ABCA7: variants seen among roughly 807,000 people sequenced by gnomAD.
ABCA7 encodes the protein ATP binding cassette subfamily A member 7.
ABCA7 carries 261 observed loss-of-function variants against 227.6 expected under a neutral mutation model. The ratio of observed to expected loss-of-function variants is 1.15; its 90% CI spans 1.04 to 1.27. The LOEUF (loss-of-function observed/expected upper bound fraction) is 1.27. ABCA7 is among the 50% of genes most tolerant of loss of function. The pLI is 0.00. For missense variants in ABCA7, 3,331 were observed against 2,924.5 expected (o/e 1.14, Z -3.21); for synonymous variants, 1,488 against 1,279.7 (o/e 1.16, Z -3.47).
rs1225896106 is a variant in ABCA7 at position 1,053,315 on chromosome 19, C to T, written c.3221-14C>T. The T allele has an allele frequency of 6.2e-7, 1 of 1,605,244 alleles. No homozygotes were observed. Among genetic ancestry groups the T allele is most frequent in the Non-Finnish European group, 8.5e-7 (1 of 1,176,632 alleles). ...TGAGCCGGGGCTCCCTGAAGCACCC[C>T]TTTGTCCACACAGGCACTCCTCAGC... On this transcript the variant is annotated splice_polypyrimidine_tract_variant and intron_variant, in intron 23 of 46. Coordinates refer to ENST00000263094, the MANE Select transcript of ABCA7 (RefSeq NM_019112.4).
intron 5 of ABCA7, 50 bp from the exon 6 acceptor site, chr19:1,042,265 C>T (rs1416045017): frequency 1.9e-6 from 3 of 1,581,154 alleles, no homozygotes; most frequent in Non-Finnish European, 2.6e-6. Context: ...GGGTGGGTGC[C>T]TCAGACCAAC....
chr19:1,051,093 C>T (rs1169886473), intron 19 of ABCA7, 41 bp downstream of exon 19: 1 of 1,611,354 alleles, frequency 6.2e-7, no homozygotes, highest in Non-Finnish European at 8.5e-7. Context: ...TGGGAAGGGA[C>T]TGGACGCCCT....
At position 1,049,274 on chromosome 19, in the gene ABCA7, G is replaced by C; in HGVS notation, c.2389G>C (p.Glu797Gln). The change falls in exon 18 of 47, where the codon GAA (glutamate) becomes CAA (glutamine). Residue 797 changes from glutamate to glutamine, a missense_variant. Physicochemically the swap from Glu to Gln is conservative, Grantham distance 29. Coordinates refer to ENST00000263094, the MANE Select transcript of ABCA7 (RefSeq NM_019112.4). ...PTPLDPKVLVEEAPPGLSPGV... is the reference protein window; with the variant it reads ...PTPLDPKVLVQEAPPGLSPGV... ...CCACCCCATCTCTGCAGTGCTGGTA[G>C]AAGAGGCACCGCCCGGCCTGAGTCC... 5.6e-6 allele frequency: 9 copies of C among 1,604,874 alleles called. No individual in the cohort carries two copies. The highest frequency in any genetic ancestry group is 7.7e-6 in the Non-Finnish European group (9 of 1,174,672).
rs375990700 is a variant in ABCA7, at chr19:1,045,207, C to G, written c.1421C>G (p.Thr474Arg). The change falls in exon 12 of 47, where the codon ACG becomes AGG. Residue 474 changes from threonine (T) to arginine (R), a missense_variant. Transcript: ENST00000263094. ...ATCCGCATGGACATTGACGTGGTCA[C>G]GAGGACCAATAAGATCAGGGACAGG... ...IKIRMDIDVV[T>R]RTNKIRDRFW... The G allele has an allele frequency of 6.3e-7, 1 of 1,598,524 alleles. No individual in the cohort carries two copies. Among genetic ancestry groups the G allele is most frequent in the Non-Finnish European group, 8.5e-7 (1 of 1,170,012 alleles).
At chr19:1,055,470 G>T (rs1012793133) in intron 30 of ABCA7, 119 bp downstream of exon 30, 1 of 1,258,114 alleles carries the variant, frequency 7.9e-7, no homozygotes. Flanking sequence ...GGGGCTACGG[G>T]CTGGGAGTCT....
intron 12 of ABCA7, 25 bp from the exon 13 acceptor site, chr19:1,046,205 A>C (rs776723897): frequency 1.4e-5 from 22 of 1,601,822 alleles, no homozygotes; most frequent in Middle Eastern, 1.7e-4. Context: ...CTTCCCTACA[A>C]CCGGCCACCA....
chr19:1,046,249 G>A lies in ABCA7; in HGVS notation c.1465G>A (p.Ala489Thr), dbSNP rs756886496. ...TCGCAGGTTTTGGGACCCTGGCCCA[G>A]CCGCGGACCCCCTGACCGACCTGCG... Reference protein sequence around the residue: ...IRDRFWDPGPAADPLTDLRYV... With the variant: ...IRDRFWDPGPTADPLTDLRYV... Residue 489 changes from alanine to threonine, a missense_variant, in exon 13 of 47, where the codon GCC becomes ACC. Transcript: ENST00000263094. The A allele has an allele frequency of 1.9e-6, 3 of 1,607,072 alleles. No homozygotes were observed. The East Asian group carries it at 6.7e-5, about 36-fold the overall frequency.
Position 1,055,923 on chromosome 19 carries a change from TG to T in ABCA7, c.4225del (p.Val1409Ter). ...CTCCCACAGCCTGAAGACTAAGAAG[TG>T]GGTGAATGAGGTCAGGTGAGGAGGG... is the stretch of plus-strand genomic sequence containing the variant. ...LVRQGLKTKK[W>X]VNEVRYGGFS... On this transcript the variant is annotated frameshift_variant, in exon 31 of 47. Transcript: ENST00000263094. LOFTEE classifies it high-confidence loss of function. The T allele has an allele frequency of 1.9e-6, 3 of 1,594,840 alleles. No homozygotes were observed. The South Asian group carries it at 3.4e-5, about 18-fold the overall frequency.
chr19:1,061,859 CA>C lies in ABCA7; in HGVS notation c.5542del (p.Arg1848GlyfsTer35), dbSNP rs768192987. The C allele has an allele frequency of 1.1e-5, 18 of 1,601,916 alleles. No homozygotes were observed. The South Asian group carries it at 1.8e-4, about 16-fold the overall frequency. ...TGGTGACGGGGGACACATTGGCCAG[CA>C]GGGGCGAGGCTGTGCTGGCAGGCCA... ...RMVTGDTLAS[R>X]GEAVLAGHSV... On this transcript the variant is annotated frameshift_variant, in exon 41 of 47. Transcript: ENST00000263094. LOFTEE classifies it high-confidence loss of function.
Position 1,057,902 on chromosome 19 carries a change from A to G in ABCA7, c.4881-13A>G, listed in dbSNP as rs905128473. The G allele has an allele frequency of 6.2e-7, 1 of 1,613,824 alleles. No individual in the cohort carries two copies. On this transcript the variant is annotated splice_polypyrimidine_tract_variant and intron_variant, in intron 35 of 46. Transcript: ENST00000263094. ...CTGAGTGGTTACTCCAGTGACTCCT[A>G]TTGTCCCTTCAGCTGGTCGATCACA...
rs1599704591 is a variant in ABCA7, at chr19:1,058,615, C to T, written c.5150-3C>T. 1 of 1,613,748 alleles carries T rather than the reference C, an allele frequency of 6.2e-7. No homozygotes were observed. The highest frequency in any genetic ancestry group is 1.1e-5 in the South Asian group (1 of 91,078). On this transcript the variant is annotated splice_polypyrimidine_tract_variant and splice_region_variant and intron_variant, in intron 37 of 46. Transcript: ENST00000263094. ...ACCCAGTCCCTCCTTTCTATATCCA[C>T]AGGAGACAGGCAGTTCCAGTCACCC...
rs1568238012 is a variant in ABCA7 at position 1,043,779 on chromosome 19, G to C, written c.985G>C (p.Glu329Gln). Residue 329 changes from glutamate to glutamine, a missense_variant, in exon 10 of 47, where the codon GAG (glutamate) becomes CAG (glutamine). Coordinates refer to ENST00000263094, the MANE Select transcript of ABCA7 (RefSeq NM_019112.4). ...TLLRDVREVW[E>Q]MLGPRIFTFM... ...GCTGAGGGATGTCCGGGAGGTGTGG[G>C]AGATGCTGGGACCCCGGATCTTCAC... 2 of 1,613,156 alleles carry C rather than the reference G, an allele frequency of 1.2e-6. No individual in the cohort carries two copies. The highest frequency in any genetic ancestry group is 1.7e-6 in the Non-Finnish European group (2 of 1,179,998).
rs375075592 is a variant in ABCA7 at position 1,057,048 on chromosome 19, C to T, written c.4728C>T (p.Pro1576=). ...KHLQLMGGLS[P]TLYWLGNFLW... is the part of the protein sequence containing the mutation. ...TGCAGCTCATGGGGGGCCTGTCCCC[C>T]ACCCTCTACTGGCTTGGCAACTTTC... The change falls in exon 34 of 47, where the codon CCC becomes CCT. Residue 1576 remains proline, a synonymous_variant. Transcript: ENST00000263094. 6.2e-7 allele frequency: 1 copy of T among 1,613,680 alleles called. No individual in the cohort carries two copies. The highest frequency in any genetic ancestry group is 2.2e-5 in the East Asian group (1 of 44,880).
Position 1,053,484 on chromosome 19 carries a change from G to A in ABCA7, c.3376G>A (p.Glu1126Lys), listed in dbSNP as rs780611078. 1 of 1,587,074 alleles carries A rather than the reference G, an allele frequency of 6.3e-7. No homozygotes were observed. Among genetic ancestry groups the A allele is most frequent in the Admixed American group, 1.8e-5 (1 of 56,876 alleles). ...LFRELDTRLAELRLTGYGISD... is the reference protein window; with the variant it reads ...LFRELDTRLAKLRLTGYGISD... ...CCGAGAGCTAGACACGCGGCTGGCG[G>A]AGCTGAGGCTCACTGGCTACGGGAT... is the stretch of plus-strand genomic sequence containing the variant. Residue 1126 changes from glutamate to lysine, a missense_variant, in exon 24 of 47, where the codon GAG (glutamate) becomes AAG (lysine). By Grantham distance (56) the Glu-to-Lys change is moderately conservative (BLOSUM62 1). Transcript: ENST00000263094.
Position 1,057,386 on chromosome 19 carries a change from C to A in ABCA7, c.4837C>A (p.Pro1613Thr). 1 of 1,613,894 alleles carries A rather than the reference C, an allele frequency of 6.2e-7. No homozygotes were observed. The highest frequency in any genetic ancestry group is 8.5e-7 in the Non-Finnish European group (1 of 1,180,010). ...LAFQQRAYVA[P>T]ANLPALLLLL... ...CTTCCAGCAGAGGGCATATGTGGCC[C>A]CTGCCAACCTGCCTGCTCTCCTGCT... Residue 1613 changes from proline (P) to threonine (T), a missense_variant, in exon 35 of 47, where the codon CCT becomes ACT. Pro to Thr is a conservative substitution (Grantham distance 38). Coordinates refer to ENST00000263094, the MANE Select transcript of ABCA7 (RefSeq NM_019112.4).
chr19:1,042,849 A>C, intron 7 of ABCA7, 23 bp downstream of exon 7: 1 of 1,554,002 alleles, frequency 6.4e-7, no homozygotes, highest in Non-Finnish European at 8.7e-7. Context: ...ACTCATCCTC[A>C]ACCCCCATGG....
chr19:1,043,937 C>CTTTTT, intron 10 of ABCA7, 96 bp downstream of exon 10: 24 of 666,704 alleles, frequency 3.6e-5, no homozygotes, highest in Non-Finnish European at 4.9e-5. Context: ...CAGACCCCCA[C>CTTTTT]TTTTTTTTTT....
chr19:1,052,335 G>A (rs1445609932), intron 23 of ABCA7, 49 bp downstream of exon 23: 2 of 1,481,878 alleles, frequency 1.3e-6, no homozygotes, highest in East Asian at 2.6e-5. Flanking sequence ...TGGGGTGGCT[G>A]TGCCTTAACT....
Position 1,046,688 on chromosome 19 carries a change from A to T in ABCA7, c.1623-114A>T. 8.3e-6 allele frequency: 10 copies of T among 1,206,550 alleles called. No individual in the cohort carries two copies. The South Asian group carries it at 1.2e-4, about 14-fold the overall frequency. The allele number at this position is 1,206,550 out of a possible 1,614,324, so 74.7% of individuals were successfully genotyped here. On this transcript the variant is annotated intron_variant, in intron 13 of 46. Coordinates refer to ENST00000263094, the MANE Select transcript of ABCA7 (RefSeq NM_019112.4). ...CTGGATCAGGTTCCAAGGAACAGGG[A>T]GGCAAATCTTCCCGCCTTGAGATCC...
Sources: gnomAD v4.1 joint callset for allele counts on GRCh38, gnomAD v4.1.1 for gene constraint, MANE v1.5 for transcripts, NCBI Gene and HGNC (gene_info 2026-07-23, HGNC 2026-07-21) for gene names.